PKD1L1: variants seen among roughly 807,000 people sequenced by gnomAD.
PKD1L1 encodes polycystin 1 like 1, transient receptor potential channel interacting.
PKD1L1 carries 236 observed loss-of-function variants against 323.4 expected under a neutral mutation model. The observed-to-expected ratio is 0.73, with a 90% CI of 0.66 to 0.81. The LOEUF (loss-of-function observed/expected upper bound fraction) is 0.81. PKD1L1 is among the 40% of genes least tolerant of loss of function. The pLI is 0.00. For synonymous variants in PKD1L1, 1,344 were observed against 1,335.0 expected (o/e 1.01, Z -0.15); for missense variants, 3,320 against 3,508.0 (o/e 0.95, Z 1.35).
In PKD1L1 at chr7:47,876,064, C is replaced by T. The variant is rs776509129; in HGVS notation, c.3784+33G>A. 10 of 1,610,126 alleles carry T rather than the reference C, an allele frequency of 6.2e-6. 1 individual carries two copies. In the African/African-American group the frequency reaches 1.2e-4, roughly 19 times the overall value. ...AAAGGTTTAGAACTGTAGGTTGGCACAGCTAGTGACTCCAACTGGCACCAT... is the reference window on the plus strand; with the variant it reads ...AAAGGTTTAGAACTGTAGGTTGGCATAGCTAGTGACTCCAACTGGCACCAT... On this transcript the variant is annotated intron_variant, in intron 23 of 56. Coordinates refer to ENST00000289672, the MANE Select transcript of PKD1L1 (RefSeq NM_138295.5).
chr7:47,891,224 C>T (rs1786809466), intron 15 of PKD1L1, among the ~76,000 whole-genome samples: 3 of 152,200 alleles, frequency 2.0e-5, no homozygotes, highest in African/African-American at 7.2e-5. Context: ...CAGAGTGTTT[C>T]CCTGTAGCAC....
intron 56 of PKD1L1, among the ~76,000 whole-genome samples, chr7:47,790,323 C>T (rs1395690757): frequency 7.1e-6 from 1 of 140,272 alleles, no homozygotes; most frequent in Non-Finnish European, 1.5e-5. Flanking sequence ...ATAATAATTG[C>T]TAAATAAATA....
At chr7:47,922,729 G>C (rs1458570924) in intron 7 of PKD1L1, among the ~76,000 whole-genome samples, 5 of 136,432 alleles carry the variant, frequency 3.7e-5, no homozygotes, top group African/African-American at 1.9e-4. Flanking sequence ...CGCCCCGTCC[G>C]GCCAGCCGCC....
intron 46 of PKD1L1, chr7:47,819,614 A>C: frequency 1.5e-6 from 2 of 1,327,442 alleles, no homozygotes; most frequent in Non-Finnish European, 2.0e-6. Context: ...AGAAAATTCC[A>C]CTTAATTTCA....
intron 26 of PKD1L1, among the ~76,000 whole-genome samples, chr7:47,863,190 G>A (rs534430450): frequency 6.6e-6 from 1 of 152,294 alleles, no homozygotes; most frequent in East Asian, 1.9e-4. Context: ...GATTCTGCAT[G>A]GACGGTGCTG....
rs1306026725 is a variant in PKD1L1 at position 47,857,689 on chromosome 7, C to T, written c.4506G>A (p.Gly1502=). The change falls in exon 28 of 57, where the codon GGG becomes GGA. Residue 1502 remains glycine, a synonymous_variant. Transcript: ENST00000289672. ...TGTAGCATGGGCTCTGTGTCTCCGC[C>T]CCAGCAGGACTGTGCCCAGCAAGGT... ...PGDLAGHSPA[G]AETQSPCYIS... 2 of 1,614,120 alleles carry T rather than the reference C, an allele frequency of 1.2e-6. No individual in the cohort carries two copies. Among genetic ancestry groups the T allele is most frequent in the African/African-American group, 1.3e-5 (1 of 75,008 alleles).
At position 47,857,754 on chromosome 7, in the gene PKD1L1, C is replaced by T. The variant is rs781737022; in HGVS notation, c.4441G>A (p.Val1481Ile). 1 of 1,614,092 alleles carries T rather than the reference C, an allele frequency of 6.2e-7. No homozygotes were observed. Among genetic ancestry groups the T allele is most frequent in the South Asian group, 1.1e-5 (1 of 91,084 alleles). ...TLLHYNLQSSVQSLGSVQVHL... is the reference protein window; with the variant it reads ...TLLHYNLQSSIQSLGSVQVHL... ...ACCTGGACAGATCCCAGGCTCTGGA[C>T]AGAGCTCTGAAGGTTGTAATGAAGA... Residue 1481 changes from valine to isoleucine, a missense_variant, in exon 28 of 57, where the codon GTC becomes ATC. By Grantham distance (29) the Val-to-Ile change is conservative. Coordinates refer to ENST00000289672, the MANE Select transcript of PKD1L1 (RefSeq NM_138295.5).
At chr7:47,953,823 T>G in the PKD1L1 span, among the ~76,000 whole-genome samples, 2 of 152,184 alleles carry the variant, frequency 1.3e-5, no homozygotes, top group Non-Finnish European at 2.9e-5. Context: ...AGGGTTTATT[T>G]GCAAACAGTG....
At chr7:47,877,106 G>A (rs2348657) in intron 22 of PKD1L1, among the ~76,000 whole-genome samples, 55,093 of 151,682 alleles carry the variant, frequency 0.36, 11,390 homozygotes, top group African/African-American at 0.57. Context: ...GGGTAAGTCC[G>A]TGTTAGAAAT....
chr7:47,931,495 G>C (rs1412455638), intron 5 of PKD1L1, among the ~76,000 whole-genome samples, 174 bp from the exon 6 acceptor site: 1 of 152,250 alleles, frequency 6.6e-6, no homozygotes, highest in African/African-American at 2.4e-5. Context: ...TATGTTGTGA[G>C]TGGTAGGATT....
chr7:47,872,146 CTTTTG>C (rs997486560), intron 24 of PKD1L1, among the ~76,000 whole-genome samples: 4 of 152,268 alleles, frequency 2.6e-5, no homozygotes, highest in African/African-American at 9.6e-5. Context: ...TCCCAGTTAG[CTTTTG>C]TTTTGTTTTG....
At chr7:47,887,043 A>G (rs938325830) in intron 17 of PKD1L1, among the ~76,000 whole-genome samples, 57 of 133,710 alleles carry the variant, frequency 4.3e-4, no homozygotes, top group African/African-American at 1.3e-3. Context: ...AAGTCTAACC[A>G]CTGTATGTGT....
At chr7:47,795,280 T>C in intron 55 of PKD1L1, 1 of 447,120 alleles carries the variant, frequency 2.2e-6, no homozygotes, top group South Asian at 1.6e-5. Context: ...GGGGCTGGTC[T>C]TTCTCATGCT....
intron 48 of PKD1L1, 106 bp from the exon 49 acceptor site, chr7:47,813,399 C>G: frequency 1.9e-5 from 22 of 1,170,530 alleles, no homozygotes; most frequent in Non-Finnish European, 2.6e-5. Context: ...CTCTGTCCTG[C>G]AACATGGCAC....
Position 47,815,343 on chromosome 7 carries a change from C to A in PKD1L1, c.7080G>T (p.Pro2360=). ...GAGACGGAAAGCTCACCTGAGCCCCCGGCACACGGGCTGACGGGGTGCCTC... is the reference window on the plus strand; with the variant it reads ...GAGACGGAAAGCTCACCTGAGCCCCAGGCACACGGGCTGACGGGGTGCCTC... ...YPGGTPSARV[P]GAQPGALGGK... Residue 2360 remains proline (P), a synonymous_variant, in exon 47 of 57, where the codon CCG becomes CCT. Transcript: ENST00000289672. 1 of 1,613,786 alleles carries A rather than the reference C, an allele frequency of 6.2e-7. No homozygotes were observed. Among genetic ancestry groups the A allele is most frequent in the Non-Finnish European group, 8.5e-7 (1 of 1,179,882 alleles).
chr7:47,794,566 G>A (rs569393427), intron 55 of PKD1L1, among the ~76,000 whole-genome samples: 3 of 152,322 alleles, frequency 2.0e-5, no homozygotes, highest in South Asian at 2.1e-4. Context: ...CTGCAGGGGC[G>A]GGGCCCTTAT....
rs553432515 is a variant in PKD1L1, at chr7:47,825,796, T to C, written c.6854+1554A>G. ...ATTTTGTTGTATTTATTATTTGCTT[T>C]GTTGAATATGGTCTTGTATTAAATC... On this transcript the variant is annotated intron_variant, in intron 45 of 56. Transcript: ENST00000289672. Among the ~76,000 whole-genome samples the C allele has an allele frequency of 3.3e-5, 5 of 152,328 alleles. No individual in the cohort carries two copies. The South Asian group carries it at 1.0e-3, about 32-fold the overall frequency.
chr7:47,811,110 A>G (rs1784882957), intron 50 of PKD1L1, among the ~76,000 whole-genome samples: 1 of 151,584 alleles, frequency 6.6e-6, no homozygotes, highest in African/African-American at 2.4e-5. Flanking sequence ...GATCTTGATC[A>G]TGGAATTCCA....
rs549457345 is a variant in PKD1L1, at chr7:47,902,430, G to A, written c.2013C>T (p.Cys671=). 5.5e-5 allele frequency: 89 copies of A among 1,613,990 alleles called. No homozygotes were observed. Among genetic ancestry groups the A allele is most frequent in the Non-Finnish European group, 7.0e-5 (83 of 1,180,000 alleles). The change falls in exon 13 of 57, where the codon TGC becomes TGT. Residue 671 remains cysteine, a synonymous_variant. Coordinates refer to ENST00000289672, the MANE Select transcript of PKD1L1 (RefSeq NM_138295.5). ...TCACCAGGGGTGGCTGGCAGGGCTC[G>A]CACACGATGAAAAGTTGCTGTCTTA... ...STLRQQLFIV[C]EPCQPPLVKN...
Sources: allele counts gnomAD v4.1 joint callset (sites outside exome capture counted in the v4.1 genomes callset), GRCh38; gene constraint gnomAD v4.1.1; transcripts MANE v1.5; gene names NCBI Gene and HGNC (gene_info 2026-07-23, HGNC 2026-07-21).